LDB3: variants seen among roughly 807,000 people sequenced by gnomAD.
LDB3 encodes LIM domain-binding protein 3.
In LDB3, 49 loss-of-function variants were observed where a neutral mutation model predicts 69.0. The observed-to-expected ratio is 0.71, with a 90% CI of 0.56 to 0.90. The LOEUF (loss-of-function observed/expected upper bound fraction) is 0.90, where lower values mean the gene tolerates loss of function less well. Ranked by LOEUF, LDB3 falls within the 40% of genes least tolerant of loss-of-function variation. The probability of loss-of-function intolerance (pLI) is 0.00; values close to 1 mark genes in which losing one functional copy is unlikely to be tolerated. For synonymous variants in LDB3, 387 were observed against 396.2 expected (o/e 0.98, Z 0.28); for missense variants, 928 against 974.1 (o/e 0.95, Z 0.63).
At chr10:86,693,241 G>A (rs917357349) in intron 7 of LDB3, among the ~76,000 whole-genome samples, 7 of 152,150 alleles carry the variant, frequency 4.6e-5, no homozygotes, top group Admixed American at 1.3e-4. Context: ...CATGGGGGGG[G>A]GCATGCCATC....
At chr10:86,714,276 G>A (rs1204995271) in intron 9 of LDB3, among the ~76,000 whole-genome samples, 1 of 152,174 alleles carries the variant, frequency 6.6e-6, no homozygotes, top group Non-Finnish European at 1.5e-5. Context: ...ATGCTATCAA[G>A]ACTCCACAGC....
chr10:86,727,836 T>A (rs1564663603), intron 13 of LDB3, among the ~76,000 whole-genome samples: 2 of 138,794 alleles, frequency 1.4e-5, no homozygotes, highest in Admixed American at 1.4e-4. Context: ...GGTCTCCTTT[T>A]TTTTTTTATT....
chr10:86,679,438 C>A lies in LDB3; in HGVS notation c.165C>A (p.Val55=), dbSNP rs1222411686. The part of the protein sequence containing the change: ...QGDLVVAIDG[V]NTDTMTHLEA... ...ACCTCGTGGTGGCCATTGACGGCGT[C>A]AACACAGACACCATGACCCACCTGG... Residue 55 remains valine, a synonymous_variant, in exon 3 of 14, where the codon GTC becomes GTA. Transcript: ENST00000361373. 6.2e-7 allele frequency: 1 copy of A among 1,614,062 alleles called. No individual in the cohort carries two copies. The highest frequency in any genetic ancestry group is 8.5e-7 in the Non-Finnish European group (1 of 1,180,050).
chr10:86,679,979 G>T, intron 3 of LDB3, 103 bp from the exon 4 acceptor site: 1 of 1,016,216 alleles, frequency 9.8e-7, no homozygotes, highest in South Asian at 1.3e-5. Flanking sequence ...TCTGAGAGCT[G>T]ACTCTGGCTC....
chr10:86,708,993 C>T (rs181783513), intron 8 of LDB3, among the ~76,000 whole-genome samples: 54 of 152,334 alleles, frequency 3.5e-4, no homozygotes, highest in African/African-American at 1.2e-3. Context: ...ACTTCTCCAG[C>T]ACCTCTAGCA....
chr10:86,688,038 T>G, intron 5 of LDB3, among the ~76,000 whole-genome samples: 1 of 107,268 alleles, frequency 9.3e-6, no homozygotes. Context: ...TGTCTCTCCC[T>G]CCCCCGACCC....
intron 12 of LDB3, among the ~76,000 whole-genome samples, chr10:86,725,141 G>A (rs1847213095): frequency 6.6e-6 from 1 of 152,194 alleles, no homozygotes; most frequent in African/African-American, 2.4e-5. Flanking sequence ...GAGGGATGAA[G>A]GCTTTGTAAA....
chr10:86,679,531 T>C lies in LDB3; in HGVS notation c.245+13T>C. ...TCACCCTGCAGAAGTAGGTGGGAGC[T>C]CTCCAGAGCAGGGGGCGGAGGTTTG... is the stretch of plus-strand genomic sequence containing the variant. On this transcript the variant is annotated intron_variant, in intron 3 of 13. Transcript: ENST00000361373. 1 of 1,613,198 alleles carries C rather than the reference T, an allele frequency of 6.2e-7. No homozygotes were observed. The highest frequency in any genetic ancestry group is 8.5e-7 in the Non-Finnish European group (1 of 1,179,870).
upstream of LDB3, chr10:86,666,856 C>T (rs1170268158): frequency 2.2e-6 from 1 of 464,376 alleles, no homozygotes; most frequent in South Asian, 1.6e-5. Context: ...CAGGTACAGC[C>T]TCCCCCAGCT....
chr10:86,725,381 TTG>T (rs1847219876), intron 12 of LDB3, among the ~76,000 whole-genome samples: 1 of 152,172 alleles, frequency 6.6e-6, no homozygotes. Context: ...CTGAGGGATT[TTG>T]TGATGATCAG....
At chr10:86,700,439 C>A (rs1164055524) in intron 7 of LDB3, among the ~76,000 whole-genome samples, 1 of 152,186 alleles carries the variant, frequency 6.6e-6, no homozygotes, top group Admixed American at 6.5e-5. Context: ...GAAGGAGCTA[C>A]TTATGCTCGA....
At chr10:86,689,392 C>G (rs1408361005) in intron 5 of LDB3, among the ~76,000 whole-genome samples, 1 of 152,210 alleles carries the variant, frequency 6.6e-6, no homozygotes, top group African/African-American at 2.4e-5. Context: ...TCTGTCCACG[C>G]TCCTCCTCAC....
chr10:86,717,873 G>A (rs890355793), intron 10 of LDB3, 91 bp from the exon 11 acceptor site: 9 of 1,213,852 alleles, frequency 7.4e-6, no homozygotes, highest in Middle Eastern at 5.3e-4. Flanking sequence ...AGAGTTATTG[G>A]GTAAAAGTAT....
intron 4 of LDB3, 113 bp downstream of exon 4, chr10:86,680,270 G>GCCCTGCCCCAT (rs1845040381): frequency 8.6e-6 from 8 of 930,916 alleles, no homozygotes; most frequent in East Asian, 5.2e-5. Context: ...CGTGGGATCA[G>GCCCTGCCCCAT]CCCTGCCCCA....
chr10:86,695,740 C>T (rs1029182321), intron 7 of LDB3, among the ~76,000 whole-genome samples: 5 of 152,338 alleles, frequency 3.3e-5, no homozygotes, highest in African/African-American at 1.2e-4. Flanking sequence ...TTTGGAAAGG[C>T]ATTCCAGGGC....
intron 12 of LDB3, among the ~76,000 whole-genome samples, chr10:86,723,183 T>C (rs1847142297): frequency 7.0e-6 from 1 of 143,430 alleles, no homozygotes; most frequent in South Asian, 2.2e-4. Flanking sequence ...GGTGGGAGGA[T>C]GGTTTGAGCC....
intron 10 of LDB3, 128 bp from the exon 11 acceptor site, chr10:86,717,836 T>C (rs1846931562): frequency 2.4e-6 from 2 of 822,930 alleles, no homozygotes; most frequent in East Asian, 2.7e-5. Flanking sequence ...AATTTCACAT[T>C]ACTTCATCAG....
At chr10:86,696,277 C>T (rs931866832) in intron 7 of LDB3, among the ~76,000 whole-genome samples, 3 of 152,202 alleles carry the variant, frequency 2.0e-5, no homozygotes, top group South Asian at 2.1e-4. Context: ...TGGGTGCCCC[C>T]GCCAATGGGC....
intron 2 of LDB3, among the ~76,000 whole-genome samples, chr10:86,672,654 C>T (rs1258620894): frequency 2.6e-5 from 4 of 152,316 alleles, no homozygotes; most frequent in East Asian, 3.9e-4. Flanking sequence ...GGAAGATAAA[C>T]GGCCAGAGGC....
Sources: gnomAD v4.1 joint callset for allele counts (sites outside exome capture counted in the v4.1 genomes callset) on GRCh38, gnomAD v4.1.1 for gene constraint, MANE v1.5 for transcripts, NCBI Gene and HGNC (gene_info 2026-07-23, HGNC 2026-07-21) for gene names.